The following NXPE1 variants were observed in gnomAD, a reference collection of about 807,000 sequenced individuals.
NXPE1 encodes the protein NXPE family member 1.
A neutral mutation model predicts 33.3 loss-of-function variants in NXPE1; 31 were observed. That is an observed-to-expected ratio of 0.93 (90% CI 0.70 to 1.26). The LOEUF (loss-of-function observed/expected upper bound fraction) is 1.26, where lower values mean the gene tolerates loss of function less well. Among genes scored for constraint, NXPE1 ranks in the 50% most tolerant of loss-of-function variants. NXPE1 has a pLI of 0.00. For synonymous variants in NXPE1, 229 were observed against 231.4 expected (o/e 0.99, Z 0.09); for missense variants, 661 against 655.6 (o/e 1.01, Z -0.09).
chr11:114,520,512 C>T (rs11826653), downstream of NXPE1, among the ~76,000 whole-genome samples: 2,898 of 152,234 alleles, frequency 0.019, 95 homozygotes, highest in African/African-American at 0.067. Flanking sequence ...ATCTGTTCAT[C>T]TATTGATGGG....
At chr11:114,529,952 A>G (rs752236442) in intron 6 of NXPE1, 15 of 505,684 alleles carry the variant, frequency 3.0e-5, no homozygotes, top group Non-Finnish European at 5.2e-5. Context: ...CTGTGAACAC[A>G]TAGAAGAACG....
intron 7 of NXPE1, among the ~76,000 whole-genome samples, chr11:114,527,486 G>A (rs1417578608): frequency 1.3e-5 from 2 of 152,152 alleles, no homozygotes; most frequent in Non-Finnish European, 2.9e-5. Flanking sequence ...ATGTTAGGGG[G>A]TTATGCCAAC....
rs368015573 is a variant in NXPE1, at chr11:114,530,434, G to A, written c.574C>T (p.Leu192Phe). Residue 192 changes from leucine (L) to phenylalanine (F), a missense_variant, in exon 6 of 9, where the codon CTC becomes TTC. Physicochemically the swap from Leu to Phe is conservative, Grantham distance 22. Transcript: ENST00000534921. The stretch of plus-strand genomic sequence containing the variant: ...TAGCCTTGGTTCCTTGCCCTCCAGA[G>A]AGCCGACGCCCCTTCACTGGGGTGG... The A allele has an allele frequency of 3.7e-6, 6 of 1,614,110 alleles. No individual in the cohort carries two copies. In the African/African-American group the frequency reaches 6.7e-5, roughly 18 times the overall value.
exon 5 of NXPE1, chr11:114,551,180 G>C: frequency 1.3e-6 from 2 of 1,534,756 alleles, no homozygotes; most frequent in East Asian, 4.9e-5. Context: ...AGCGTTTTTT[G>C]AAGCATTGTA....
At chr11:114,533,211 G>A (rs1174908822) in intron 5 of NXPE1, among the ~76,000 whole-genome samples, 1 of 152,138 alleles carries the variant, frequency 6.6e-6, no homozygotes, top group East Asian at 1.9e-4. Flanking sequence ...ACCAGAGTTA[G>A]CAAATTATTA....
At chr11:114,555,351 G>T (rs1192084390) in intron 1 of NXPE1, among the ~76,000 whole-genome samples, 1 of 152,044 alleles carries the variant, frequency 6.6e-6, no homozygotes, top group Non-Finnish European at 1.5e-5. Flanking sequence ...AGCCTCCTGA[G>T]TAGCTGGGAC....
chr11:114,537,601 A>G (rs2135020530), intron 5 of NXPE1, among the ~76,000 whole-genome samples: 1 of 152,346 alleles, frequency 6.6e-6, no homozygotes, highest in Admixed American at 6.5e-5. Flanking sequence ...TACAAAATCA[A>G]TGTGCAAAAA....
At chr11:114,555,231 A>AT (rs377654965) in intron 1 of NXPE1, among the ~76,000 whole-genome samples, 2,254 of 149,962 alleles carry the variant, frequency 0.015, 52 homozygotes, top group African/African-American at 0.049. Context: ...AGAATACATG[A>AT]TTTTTTTTTT....
intron 5 of NXPE1, among the ~76,000 whole-genome samples, chr11:114,546,771 A>T (rs1007777028): frequency 6.6e-6 from 1 of 152,142 alleles, no homozygotes; most frequent in Non-Finnish European, 1.5e-5. Context: ...AATATACAAG[A>T]TGAGCCTAAA....
chr11:114,557,362 A>G (rs1167844481), intron 1 of NXPE1, among the ~76,000 whole-genome samples: 1 of 152,112 alleles, frequency 6.6e-6, no homozygotes, highest in Non-Finnish European at 1.5e-5. Context: ...TTTACTAATT[A>G]TTAGGAAATG....
At chr11:114,543,878 T>C (rs1948186254) in intron 5 of NXPE1, among the ~76,000 whole-genome samples, 5 of 152,162 alleles carry the variant, frequency 3.3e-5, no homozygotes, top group Admixed American at 2.6e-4. Context: ...TAAGTAAATA[T>C]AGCAAGGTTT....
intron 1 of NXPE1, among the ~76,000 whole-genome samples, chr11:114,555,835 A>G (rs1003510400): frequency 2.0e-5 from 3 of 152,214 alleles, no homozygotes; most frequent in African/African-American, 7.2e-5. Context: ...TTGAAGATTC[A>G]TCAAGGTTGC....
exon 9 of NXPE1, chr11:114,522,245 C>A (rs778187975): frequency 1.2e-6 from 2 of 1,614,072 alleles, no homozygotes; most frequent in Non-Finnish European, 1.7e-6. Flanking sequence ...CTTTTGAACA[C>A]CGATGGCCCT....
At chr11:114,521,179 A>C (rs1947203351), downstream of NXPE1, among the ~76,000 whole-genome samples, 2 of 152,212 alleles carry the variant, frequency 1.3e-5, no homozygotes, top group Non-Finnish European at 2.9e-5. Context: ...AGGAAAGAGG[A>C]TAAATGTTCA....
chr11:114,538,518 G>A (rs953861667), intron 5 of NXPE1, among the ~76,000 whole-genome samples: 6 of 152,126 alleles, frequency 3.9e-5, no homozygotes, highest in Non-Finnish European at 8.8e-5. Context: ...GAAAATTTTT[G>A]CAACCTACTC....
intron 5 of NXPE1, among the ~76,000 whole-genome samples, chr11:114,549,998 T>G (rs1948418385): frequency 6.6e-6 from 1 of 152,074 alleles, no homozygotes; most frequent in Non-Finnish European, 1.5e-5. Flanking sequence ...AATACTTAAG[T>G]GTACATTTAG....
At position 114,555,518 on chromosome 11, in the gene NXPE1, C is replaced by T. The variant is rs543634145; in HGVS notation, c.-210-2638G>A. Among the ~76,000 whole-genome samples, 3 of 152,302 alleles carry T rather than the reference C, an allele frequency of 2.0e-5. No individual in the cohort carries two copies. The South Asian group carries it at 6.2e-4, about 32-fold the overall frequency. ...GGGATTACAGGCGTGAGCCACCACG[C>T]CCAGCCAAGAATACATGCATTTTAA... On this transcript the variant is annotated intron_variant, in intron 1 of 8. Coordinates refer to ENST00000534921, the Ensembl canonical transcript of NXPE1.
At chr11:114,536,820 C>G (rs1260289965) in intron 5 of NXPE1, among the ~76,000 whole-genome samples, 1 of 152,052 alleles carries the variant, frequency 6.6e-6, no homozygotes, top group African/African-American at 2.4e-5. Flanking sequence ...AGTCCAGGAC[C>G]AGATGGATTC....
chr11:114,558,907 G>T (rs1179873426), intron 1 of NXPE1, among the ~76,000 whole-genome samples: 1 of 152,156 alleles, frequency 6.6e-6, no homozygotes, highest in East Asian at 1.9e-4. Flanking sequence ...ATGTATAGCT[G>T]TAATTGTAGG....
Sources: allele counts gnomAD v4.1 joint callset (sites outside exome capture counted in the v4.1 genomes callset), GRCh38; gene constraint gnomAD v4.1.1; transcripts MANE v1.5; gene names NCBI Gene and HGNC (gene_info 2026-07-23, HGNC 2026-07-21).